Variants in GSE1 observed in about 807,000 individuals in gnomAD.
The protein encoded by GSE1 is genetic suppressor element 1.
In GSE1, 32 loss-of-function variants were observed where a neutral mutation model predicts 112.6. That is an observed-to-expected ratio of 0.28 (90% confidence interval 0.21 to 0.38). The LOEUF is 0.38. Among genes scored for constraint, GSE1 ranks in the 10% least tolerant of loss-of-function variants. GSE1 has a pLI of 1.00. For missense variants in GSE1, 2,348 were observed against 1,699.2 expected, an observed-to-expected ratio of 1.38 and a Z score of -6.71; for synonymous variants, 1,115 against 735.6, an observed-to-expected ratio of 1.52 and a Z score of -8.35.
At chr16:85,546,287 T>C (rs2044697860) in intron 2 of GSE1, among the ~76,000 whole-genome samples, 1 of 152,122 alleles carries the variant, frequency 6.6e-6, no homozygotes, top group South Asian at 2.1e-4. Flanking sequence ...GGTTTCACCA[T>C]GTTGGCCAGG....
chr16:85,603,347 G>C (rs771732735), intron 1 of GSE1, among the ~76,000 whole-genome samples: 11 of 152,190 alleles, frequency 7.2e-5, no homozygotes, highest in Non-Finnish European at 1.6e-4. Flanking sequence ...GGCTTCGCTC[G>C]TGACTCTGCT....
At chr16:85,600,807 G>A (rs554514108) in intron 1 of GSE1, among the ~76,000 whole-genome samples, 25 of 152,170 alleles carry the variant, frequency 1.6e-4, no homozygotes, top group African/African-American at 3.1e-4. Flanking sequence ...GGAGGTTCCC[G>A]CATCCTTTTT....
intron 1 of GSE1, among the ~76,000 whole-genome samples, chr16:85,229,832 C>T (rs1032051023): frequency 1.3e-5 from 2 of 152,208 alleles, no homozygotes; most frequent in Non-Finnish European, 2.9e-5. Flanking sequence ...ATAGCTGCCA[C>T]GGCTCCAAAC....
At chr16:85,219,787 C>T (rs535209251) in intron 1 of GSE1, among the ~76,000 whole-genome samples, 2 of 152,344 alleles carry the variant, frequency 1.3e-5, no homozygotes, top group East Asian at 3.9e-4. Flanking sequence ...ACTATGGGAC[C>T]ACCAGCTTTG....
upstream of GSE1, among the ~76,000 whole-genome samples, chr16:85,554,283 T>G (rs557734035): frequency 6.6e-6 from 1 of 152,072 alleles, no homozygotes; most frequent in Non-Finnish European, 1.5e-5. Context: ...AATTATCACA[T>G]GGGGCCTTCT....
intron 2 of GSE1, among the ~76,000 whole-genome samples, chr16:85,387,998 GGATGGATGGATGGA>G (rs2047726972): frequency 7.2e-6 from 1 of 138,770 alleles, no homozygotes; most frequent in Non-Finnish European, 1.5e-5. Context: ...GTGGGTGGAT[GGATGGATGGATGGA>G]TGGATGGATG....
intron 1 of GSE1, among the ~76,000 whole-genome samples, chr16:85,343,813 G>A (rs2046674764): frequency 6.6e-6 from 1 of 152,164 alleles, no homozygotes; most frequent in Non-Finnish European, 1.5e-5. Context: ...GGAACATCCA[G>A]CAGGCTCCCC....
chr16:85,176,909 C>T (rs1414529081), intron 1 of GSE1, among the ~76,000 whole-genome samples: 1 of 152,266 alleles, frequency 6.6e-6, no homozygotes, highest in African/African-American at 2.4e-5. Flanking sequence ...GCTGCCCCTC[C>T]TCCCCAGGCC....
chr16:85,450,741 G>A (rs976732877), intron 2 of GSE1, among the ~76,000 whole-genome samples: 8 of 149,254 alleles, frequency 5.4e-5, no homozygotes, highest in African/African-American at 2.0e-4. Context: ...GAGCCACCTC[G>A]CCCGGCCCAC....
At chr16:85,308,769 G>A (rs897654805) in intron 1 of GSE1, among the ~76,000 whole-genome samples, 3 of 151,414 alleles carry the variant, frequency 2.0e-5, no homozygotes, top group African/African-American at 4.9e-5. Context: ...AATCAGAGAG[G>A]TTTGCAGCAA....
intron 1 of GSE1, among the ~76,000 whole-genome samples, chr16:85,258,255 C>T (rs9940203): frequency 0.11 from 16,339 of 152,246 alleles, 1,235 homozygotes; most frequent in Admixed American, 0.24. Context: ...CCCATCGCAC[C>T]GCTGGGAGCA....
chr16:85,452,771 GT>G (rs1225268663), intron 2 of GSE1, among the ~76,000 whole-genome samples: 1 of 152,232 alleles, frequency 6.6e-6, no homozygotes, highest in African/African-American at 2.4e-5. Context: ...AACTCCGGGT[GT>G]CTTTCCCAGC....
intron 1 of GSE1, among the ~76,000 whole-genome samples, chr16:85,591,697 C>G (rs780587934): frequency 6.6e-6 from 1 of 152,248 alleles, no homozygotes; most frequent in Non-Finnish European, 1.5e-5. Flanking sequence ...GGGACTCCGT[C>G]GGCTCCTTTT....
Position 85,562,412 on chromosome 16 carries a change from T to C in GSE1, c.37+6049T>C, listed in dbSNP as rs78922080. 7.1e-3 allele frequency among the ~76,000 whole-genome samples: 1,074 copies of C among 152,186 alleles called. 23 individuals carry two copies. The highest frequency in any genetic ancestry group is 0.025 in the African/African-American group (1,033 of 41,546). On this transcript the variant is annotated intron_variant, in intron 1 of 2. Transcript: ENST00000635906. ...AGGTTTTTTTCTTGCTTAAATGTGT[T>C]GTTGTTACGCCATGGGTGGGAACCT...
At chr16:85,205,129 ATTT>A (rs2143593487) in intron 1 of GSE1, among the ~76,000 whole-genome samples, 1 of 151,820 alleles carries the variant, frequency 6.6e-6, no homozygotes, top group South Asian at 2.1e-4. Flanking sequence ...TTATTTATTT[ATTT>A]ATTTTTTATT....
intron 1 of GSE1, among the ~76,000 whole-genome samples, chr16:85,582,876 G>A (rs773326566): frequency 2.6e-5 from 4 of 152,216 alleles, no homozygotes; most frequent in Admixed American, 6.5e-5. Flanking sequence ...TTTGCTGAGC[G>A]TAAAAATTCA....
In GSE1 at chr16:85,484,435, A is replaced by G. The variant is rs149296037; in HGVS notation, c.2464+126792A>G. ...CCCTCCAAAACCCAGACCAGAAACA[A>G]CAGATGGAGTTGAAGGAGTAAGTAA... On this transcript the variant is annotated intron_variant, in intron 2 of 2. Coordinates refer to the GSE1 transcript ENST00000637419. 3.9e-5 allele frequency among the ~76,000 whole-genome samples: 6 copies of G among 152,366 alleles called. No individual in the cohort carries two copies. In the East Asian group the frequency reaches 1.2e-3, roughly 29 times the overall value.
intron 1 of GSE1, among the ~76,000 whole-genome samples, chr16:85,252,707 A>G (rs1455879825): frequency 2.0e-5 from 3 of 152,208 alleles, no homozygotes; most frequent in Non-Finnish European, 4.4e-5. Flanking sequence ...CAAAGCTTTG[A>G]ACCCTTGAGC....
chr16:85,480,454 C>G (rs1176267876), intron 2 of GSE1, among the ~76,000 whole-genome samples: 2 of 152,222 alleles, frequency 1.3e-5, no homozygotes, highest in Non-Finnish European at 2.9e-5. Context: ...CTGCCGCCAC[C>G]TCCACTCCAC....
Sources: allele counts gnomAD v4.1 joint callset (sites outside exome capture counted in the v4.1 genomes callset), GRCh38; gene constraint gnomAD v4.1.1; transcripts MANE v1.5; gene names NCBI Gene and HGNC (gene_info 2026-07-23, HGNC 2026-07-21).